The following PRKG1 variants were observed in gnomAD, a reference collection of about 807,000 sequenced individuals.
PRKG1 encodes protein kinase cGMP-dependent 1.
PRKG1 carries 35 observed loss-of-function variants against 88.1 expected under a neutral mutation model. The observed-to-expected ratio is 0.40, with a 90% confidence interval of 0.30 to 0.53. PRKG1 has a LOEUF of 0.53. Among genes scored for constraint, PRKG1 ranks in the 20% least tolerant of loss-of-function variants. PRKG1 has a pLI of 0.59. For synonymous variants in PRKG1, 303 were observed against 292.5 expected, an observed-to-expected ratio of 1.04 and a Z score of -0.37; for missense variants, 540 against 839.8, an observed-to-expected ratio of 0.64 and a Z score of 4.41.
At chr10:52,141,707 T>C (rs1391385733) in intron 8 of PRKG1, among the ~76,000 whole-genome samples, 2 of 152,132 alleles carry the variant, frequency 1.3e-5, no homozygotes, top group African/African-American at 4.8e-5. Flanking sequence ...AATATGCTGG[T>C]GGGCCATCAA....
chr10:51,240,396 T>A lies in PRKG1; in HGVS notation c.478+87066T>A, dbSNP rs139632655. ...TTACCAATTTTGCCTGAGAAAAGAT[T>A]ACTAATTCTTCAAGATTAATTTCAG... On this transcript the variant is annotated intron_variant, in intron 2 of 17. Transcript: ENST00000373980. 1.8e-4 allele frequency among the ~76,000 whole-genome samples: 27 copies of A among 152,322 alleles called. No homozygotes were observed. In the Middle Eastern group the frequency reaches 0.01, roughly 58 times the overall value.
At chr10:51,403,273 G>A (rs1360124752) in intron 2 of PRKG1, among the ~76,000 whole-genome samples, 2 of 152,100 alleles carry the variant, frequency 1.3e-5, no homozygotes, top group Non-Finnish European at 2.9e-5. Flanking sequence ...TATAGCATTC[G>A]AGCTACATAT....
rs569331693 is a variant in PRKG1 at position 51,892,984 on chromosome 10, T to C, written c.699-14523T>C. Among the ~76,000 whole-genome samples, 3 of 152,320 alleles carry C rather than the reference T, an allele frequency of 2.0e-5. No individual in the cohort carries two copies. The South Asian group carries it at 6.2e-4, about 32-fold the overall frequency. On this transcript the variant is annotated intron_variant, in intron 4 of 17. Transcript: ENST00000373980. ...ATTTATTTAATTCCATAAAAATGTA[T>C]ATGATTTTATTTTTGATGCAGGCAT... is the stretch of plus-strand genomic sequence containing the variant.
At chr10:52,015,834 C>G (rs893666939) in intron 5 of PRKG1, among the ~76,000 whole-genome samples, 1 of 152,152 alleles carries the variant, frequency 6.6e-6, no homozygotes, top group African/African-American at 2.4e-5. Flanking sequence ...CAAAGTTCAA[C>G]GGATCTTTAG....
intron 3 of PRKG1, among the ~76,000 whole-genome samples, chr10:51,565,689 A>C (rs1239810909): frequency 6.6e-6 from 1 of 152,144 alleles, no homozygotes; most frequent in Non-Finnish European, 1.5e-5. Context: ...ATTACCCTTG[A>C]AACTTAAAAC....
At chr10:51,981,517 C>G in intron 5 of PRKG1, among the ~76,000 whole-genome samples, 1 of 152,036 alleles carries the variant, frequency 6.6e-6, no homozygotes, top group East Asian at 1.9e-4. Flanking sequence ...ACCTGGGAGG[C>G]ATAGGTTGGA....
chr10:51,238,386 GC>G (rs1259685876), intron 2 of PRKG1, among the ~76,000 whole-genome samples: 2 of 152,112 alleles, frequency 1.3e-5, no homozygotes, highest in African/African-American at 2.4e-5. Context: ...TTTGAGACCA[GC>G]CTGGTCAACA....
At chr10:52,228,050 T>C (rs781624796) in intron 9 of PRKG1, among the ~76,000 whole-genome samples, 17 of 152,296 alleles carry the variant, frequency 1.1e-4, no homozygotes, top group Non-Finnish European at 2.2e-4. Context: ...AAGCAGGTGA[T>C]ACATAATTTC....
intron 3 of PRKG1, among the ~76,000 whole-genome samples, chr10:51,589,043 A>G (rs1475403246): frequency 2.0e-5 from 3 of 152,312 alleles, no homozygotes; most frequent in East Asian, 1.9e-4. Flanking sequence ...CATCTAGATG[A>G]GCTGTTGTTT....
At chr10:52,267,765 C>T (rs923280019) in intron 10 of PRKG1, among the ~76,000 whole-genome samples, 2 of 151,752 alleles carry the variant, frequency 1.3e-5, no homozygotes, top group African/African-American at 2.4e-5. Context: ...GTTATTTTTC[C>T]GTAATGTTAA....
At chr10:52,017,577 G>A (rs962796827) in intron 5 of PRKG1, among the ~76,000 whole-genome samples, 10 of 152,150 alleles carry the variant, frequency 6.6e-5, no homozygotes, top group Non-Finnish European at 1.5e-4. Flanking sequence ...CCATTACTGA[G>A]GAGGGGAAGA....
chr10:51,103,422 T>A (rs1455583950), intron 1 of PRKG1, among the ~76,000 whole-genome samples: 2 of 151,848 alleles, frequency 1.3e-5, no homozygotes, highest in Non-Finnish European at 2.9e-5. Context: ...TTCTTCGAGC[T>A]AAAAAAAAGC....
chr10:51,202,081 C>G (rs1837926383), intron 2 of PRKG1, among the ~76,000 whole-genome samples: 1 of 152,160 alleles, frequency 6.6e-6, no homozygotes, highest in South Asian at 2.1e-4. Flanking sequence ...CCTCCCTGGA[C>G]CTTCTCTACT....
chr10:51,900,404 T>C (rs1480053505), intron 4 of PRKG1, among the ~76,000 whole-genome samples: 2 of 152,180 alleles, frequency 1.3e-5, no homozygotes, highest in Non-Finnish European at 2.9e-5. Context: ...TCATACTCTA[T>C]TATAACATCA....
At chr10:51,049,440 T>A (rs540858386) in intron 1 of PRKG1, among the ~76,000 whole-genome samples, 1 of 152,222 alleles carries the variant, frequency 6.6e-6, no homozygotes, top group Non-Finnish European at 1.5e-5. Flanking sequence ...AGCTACTGAT[T>A]TGGGGGAATT....
chr10:51,306,395 A>G (rs1841038573), intron 2 of PRKG1, among the ~76,000 whole-genome samples: 1 of 152,136 alleles, frequency 6.6e-6, no homozygotes, highest in Non-Finnish European at 1.5e-5. Context: ...TCCCTCTTCA[A>G]CTTTCCATAT....
intron 3 of PRKG1, among the ~76,000 whole-genome samples, chr10:51,722,471 A>G (rs1297563290): frequency 1.3e-5 from 2 of 151,710 alleles, no homozygotes; most frequent in African/African-American, 4.8e-5. Context: ...TTTGTTTTAT[A>G]TTATGTTGAT....
rs116733037 is a variant in PRKG1 at position 52,131,144 on chromosome 10, T to C, written c.936-2696T>C. 2.6e-3 allele frequency among the ~76,000 whole-genome samples: 402 copies of C among 152,232 alleles called. 6 individuals are homozygous for C. Among genetic ancestry groups the C allele is most frequent in the African/African-American group, 9.1e-3 (377 of 41,544 alleles). Reference sequence around the variant, plus strand: ...GAGCTCTGCCTTCCTACCCCAGGGTTCAGAAGTATGATGGATGTCTGTGCC... The same window carrying C: ...GAGCTCTGCCTTCCTACCCCAGGGTCCAGAAGTATGATGGATGTCTGTGCC... On this transcript the variant is annotated intron_variant, in intron 7 of 17. Coordinates refer to ENST00000373980, the MANE Select transcript of PRKG1 (RefSeq NM_006258.4).
intron 3 of PRKG1, among the ~76,000 whole-genome samples, chr10:51,512,280 G>T (rs1841438441): frequency 6.8e-6 from 1 of 147,704 alleles, no homozygotes; most frequent in East Asian, 2.0e-4. Flanking sequence ...TGCCATGCTG[G>T]TGTGCTGCAC....
Sources: gnomAD v4.1 joint callset for allele counts (sites outside exome capture counted in the v4.1 genomes callset) on GRCh38, gnomAD v4.1.1 for gene constraint, MANE v1.5 for transcripts, NCBI Gene and HGNC (gene_info 2026-07-23, HGNC 2026-07-21) for gene names.